Variants in RMDN2 observed in about 807,000 individuals in gnomAD.
RMDN2 encodes the protein regulator of microtubule dynamics protein 2.
Under a neutral mutation model 52.8 loss-of-function variants are expected in RMDN2, and 61 were observed. The ratio of observed to expected loss-of-function variants is 1.16; its 90% CI spans 0.94 to 1.43. RMDN2 has a LOEUF of 1.43. Ranked by LOEUF, RMDN2 falls within the 40% of genes most tolerant of loss-of-function variation. RMDN2 has a pLI of 0.00. For missense variants in RMDN2, 592 were observed against 475.3 expected, an observed-to-expected ratio of 1.25 and a Z score of -2.28; for synonymous variants, 180 against 153.1, an observed-to-expected ratio of 1.18 and a Z score of -1.30.
intron 7 of RMDN2, among the ~76,000 whole-genome samples, chr2:37,991,540 A>T (rs981490159): frequency 6.6e-6 from 1 of 152,002 alleles, no homozygotes; most frequent in Non-Finnish European, 1.5e-5. Flanking sequence ...TGTAATTTAT[A>T]TATATTTGTA....
At chr2:37,933,238 A>G (rs866644630) in intron 2 of RMDN2, among the ~76,000 whole-genome samples, 2 of 145,416 alleles carry the variant, frequency 1.4e-5, no homozygotes, top group Non-Finnish European at 3.0e-5. Context: ...GGCGCTCCTC[A>G]CTTCCTAGAT....
chr2:38,020,745 C>CGGCAG (rs1414858660), downstream of RMDN2, among the ~76,000 whole-genome samples: 2 of 152,232 alleles, frequency 1.3e-5, no homozygotes, highest in Non-Finnish European at 2.9e-5. Flanking sequence ...AGCTGCCTCC[C>CGGCAG]GGCAGGGCAG....
intron 1 of RMDN2, 127 bp from the exon 2 acceptor site, chr2:37,929,135 C>T (rs2124884914): frequency 6.6e-6 from 4 of 608,502 alleles, no homozygotes; most frequent in Non-Finnish European, 1.2e-5. Flanking sequence ...ACCCTTTGGG[C>T]TATTGTCCTA....
intron 8 of RMDN2, chr2:38,002,864 C>T (rs1261596331): frequency 6.6e-6 from 1 of 152,230 alleles, no homozygotes; most frequent in Admixed American, 6.5e-5. Flanking sequence ...TTGTGTTCTA[C>T]CCCCCTCTAG....
upstream of RMDN2, chr2:37,923,403 TA>T (rs1666086809): frequency 6.6e-6 from 1 of 152,222 alleles, no homozygotes. Context: ...GTCACATTTT[TA>T]TTGAAAGCCT....
intron 10 of RMDN2, among the ~76,000 whole-genome samples, chr2:38,046,811 C>T (rs548612500): frequency 1.6e-4 from 25 of 152,172 alleles, no homozygotes; most frequent in African/African-American, 5.1e-4. Flanking sequence ...GGTGAAACCC[C>T]GTCTCTACGA....
At chr2:38,035,844 T>A (rs1020923712) in intron 10 of RMDN2, 1 of 152,140 alleles carries the variant, frequency 6.6e-6, no homozygotes, top group East Asian at 1.9e-4. Context: ...GTTCTGTCTT[T>A]CCCAATGTTA....
intron 10 of RMDN2, among the ~76,000 whole-genome samples, chr2:38,035,007 GACAA>G (rs1292957410): frequency 1.3e-5 from 2 of 152,010 alleles, no homozygotes; most frequent in African/African-American, 2.4e-5. Context: ...AATTAGGAAA[GACAA>G]ACAAATTAGA....
intron 10 of RMDN2, among the ~76,000 whole-genome samples, chr2:38,057,523 G>A (rs539707129): frequency 6.6e-6 from 1 of 152,348 alleles, no homozygotes; most frequent in East Asian, 1.9e-4. Context: ...GACCTCTGCT[G>A]TAAACCACAG....
intron 2 of RMDN2, among the ~76,000 whole-genome samples, chr2:37,933,578 C>G (rs1489307756): frequency 6.6e-6 from 1 of 152,262 alleles, no homozygotes; most frequent in East Asian, 1.9e-4. Flanking sequence ...GAGACCAGCC[C>G]GGCCAACACA....
intron 10 of RMDN2, among the ~76,000 whole-genome samples, chr2:38,016,447 A>C (rs1307110264): frequency 6.6e-6 from 1 of 152,262 alleles, no homozygotes; most frequent in Non-Finnish European, 1.5e-5. Flanking sequence ...CTTTGTCTGT[A>C]GTCAGTGTGG....
At chr2:37,974,707 A>C (rs1672241485) in intron 3 of RMDN2, 1 of 152,610 alleles carries the variant, frequency 6.6e-6, no homozygotes, top group Admixed American at 6.5e-5. Context: ...GGAGAAATAA[A>C]TCTCTATTTG....
intron 8 of RMDN2, among the ~76,000 whole-genome samples, chr2:38,000,114 A>G (rs1365762763): frequency 1.3e-5 from 2 of 152,168 alleles, no homozygotes; most frequent in African/African-American, 4.8e-5. Flanking sequence ...CACAGCCTCA[A>G]AGCATCTAGG....
chr2:38,020,942 G>A (rs1158076606), downstream of RMDN2, among the ~76,000 whole-genome samples: 1 of 152,226 alleles, frequency 6.6e-6, no homozygotes, highest in Non-Finnish European at 1.5e-5. Flanking sequence ...GCCGGGTCTG[G>A]GATCCACTGG....
chr2:37,957,723 C>T (rs1023573443), intron 2 of RMDN2, among the ~76,000 whole-genome samples: 3 of 152,130 alleles, frequency 2.0e-5, no homozygotes, highest in Non-Finnish European at 4.4e-5. Flanking sequence ...TTTGCCCATG[C>T]CTATGTCCTG....
intron 1 of RMDN2, among the ~76,000 whole-genome samples, chr2:37,926,248 A>G (rs1184935782): frequency 3.3e-5 from 5 of 152,212 alleles, no homozygotes; most frequent in African/African-American, 1.2e-4. Context: ...TTATGGTGAA[A>G]GCATTATAAT....
intron 10 of RMDN2, among the ~76,000 whole-genome samples, chr2:38,060,488 G>A (rs947755800): frequency 2.0e-5 from 3 of 152,122 alleles, no homozygotes; most frequent in African/African-American, 4.8e-5. Context: ...ATTTGCTTGC[G>A]GGCTGTGGGA....
At chr2:37,994,707 G>A (rs755323580) in intron 7 of RMDN2, among the ~76,000 whole-genome samples, 35 of 152,118 alleles carry the variant, frequency 2.3e-4, no homozygotes, top group Non-Finnish European at 4.1e-4. Context: ...CCAAGTACCA[G>A]CGAGGATATA....
intron 10 of RMDN2, among the ~76,000 whole-genome samples, chr2:38,011,049 A>G (rs1289145906): frequency 6.6e-6 from 1 of 152,202 alleles, no homozygotes; most frequent in Non-Finnish European, 1.5e-5. Flanking sequence ...AGGAGGGGGC[A>G]CAGCATAATT....
Sources: gnomAD v4.1 joint callset for allele counts (sites outside exome capture counted in the v4.1 genomes callset) on GRCh38, gnomAD v4.1.1 for gene constraint, MANE v1.5 for transcripts, NCBI Gene and HGNC (gene_info 2026-07-23, HGNC 2026-07-21) for gene names.